The following C9orf153 variants were observed in gnomAD, a reference collection of about 807,000 sequenced individuals.
C9orf153 encodes chromosome 9 open reading frame 153, also known as uncharacterized protein C9orf153.
C9orf153 carries 10 observed loss-of-function variants against 9.0 expected under a neutral mutation model. That is an observed-to-expected ratio of 1.11 (90% CI 0.69 to 1.89). C9orf153 has a LOEUF of 1.89. Ranked by LOEUF, C9orf153 falls within the 40% of genes most tolerant of loss-of-function variation. The pLI, the probability that C9orf153 is intolerant of heterozygous loss-of-function variation, is 0.00. For missense variants in C9orf153, 108 were observed against 111.0 expected (o/e 0.97, Z 0.12); for synonymous variants, 35 against 37.3 (o/e 0.94, Z 0.23).
intron 3 of C9orf153, among the ~76,000 whole-genome samples, chr9:86,222,056 T>C (rs1278248395): frequency 6.6e-6 from 1 of 152,072 alleles, no homozygotes; most frequent in East Asian, 1.9e-4. Flanking sequence ...CGGTTACTTT[T>C]TTTGTATTTT....
chr9:86,241,240 C>G (rs1224998116), intron 1 of C9orf153, among the ~76,000 whole-genome samples: 1 of 152,194 alleles, frequency 6.6e-6, no homozygotes, highest in African/African-American at 2.4e-5. Flanking sequence ...ATTTCCACTT[C>G]AGCCCTGTCA....
intron 1 of C9orf153, among the ~76,000 whole-genome samples, chr9:86,245,178 C>T (rs535651153): frequency 3.9e-5 from 6 of 152,220 alleles, no homozygotes; most frequent in Admixed American, 6.5e-5. Flanking sequence ...CCACCCACCT[C>T]GGCCTCCCAA....
intron 3 of C9orf153, among the ~76,000 whole-genome samples, chr9:86,225,411 CTCCTTCCTTCCTTCCTTCCTTCCT>C (rs72315837): frequency 1.5e-5 from 2 of 132,058 alleles, no homozygotes; most frequent in African/African-American, 5.9e-5. Flanking sequence ...CTCTCTCTCT[CTCCTTCCTTCCTTCCTTCCTTCCT>C]TCCTTCCTTC....
intron 1 of C9orf153, among the ~76,000 whole-genome samples, chr9:86,233,189 G>A (rs994885588): frequency 2.6e-5 from 4 of 151,946 alleles, no homozygotes; most frequent in Non-Finnish European, 5.9e-5. Flanking sequence ...TATGTAAAAT[G>A]TTTTCCACTT....
chr9:86,248,886 C>T (rs1824929027), intron 1 of C9orf153, among the ~76,000 whole-genome samples: 1 of 152,206 alleles, frequency 6.6e-6, no homozygotes, highest in African/African-American at 2.4e-5. Flanking sequence ...GCCTGTAGCA[C>T]AGTTGTTGGA....
At chr9:86,246,988 C>T (rs775967562) in intron 1 of C9orf153, among the ~76,000 whole-genome samples, 5 of 152,246 alleles carry the variant, frequency 3.3e-5, no homozygotes, top group Non-Finnish European at 7.4e-5. Flanking sequence ...GAGGCAGGTC[C>T]CTGTCTGGTT....
chr9:86,255,249 TAA>T (rs1479292999), intron 1 of C9orf153, among the ~76,000 whole-genome samples: 1 of 152,214 alleles, frequency 6.6e-6, no homozygotes, highest in Non-Finnish European at 1.5e-5. Flanking sequence ...GAAAGTTTTT[TAA>T]AGTTTCAAAG....
At chr9:86,237,769 T>A (rs1338510698) in intron 1 of C9orf153, among the ~76,000 whole-genome samples, 1 of 152,116 alleles carries the variant, frequency 6.6e-6, no homozygotes, top group African/African-American at 2.4e-5. Context: ...TGTATGCACC[T>A]AACAACAAAG....
chr9:86,236,713 G>C (rs58473123), intron 1 of C9orf153, among the ~76,000 whole-genome samples: 33,722 of 151,822 alleles, frequency 0.22, 4,658 homozygotes, highest in East Asian at 0.36. Flanking sequence ...ATATAAGGAA[G>C]TGAAAAGTAT....
At chr9:86,241,018 T>C (rs1824731970) in intron 1 of C9orf153, among the ~76,000 whole-genome samples, 1 of 152,120 alleles carries the variant, frequency 6.6e-6, no homozygotes, top group Non-Finnish European at 1.5e-5. Context: ...AATTTGCTTT[T>C]CTTTTGTGCC....
intron 1 of C9orf153, among the ~76,000 whole-genome samples, chr9:86,244,247 A>AT (rs759194421): frequency 1.9e-3 from 288 of 152,128 alleles, no homozygotes; most frequent in Middle Eastern, 0.01. Flanking sequence ...TTTTAAAATA[A>AT]TTTTTTTTGT....
chr9:86,227,590 C>G (rs891162333), intron 3 of C9orf153: 1 of 985,220 alleles, frequency 1.0e-6, no homozygotes, highest in African/African-American at 1.7e-5. Flanking sequence ...CAGAAATGAA[C>G]TTTTCTGGGG....
At chr9:86,258,821 C>T (rs1825183202) in intron 1 of C9orf153, among the ~76,000 whole-genome samples, 1 of 151,922 alleles carries the variant, frequency 6.6e-6, no homozygotes, top group African/African-American at 2.4e-5. Flanking sequence ...CTTCTCTGCA[C>T]CATACACACA....
At chr9:86,238,605 G>A (rs1229688239) in intron 1 of C9orf153, among the ~76,000 whole-genome samples, 1 of 152,162 alleles carries the variant, frequency 6.6e-6, no homozygotes, top group East Asian at 1.9e-4. Flanking sequence ...TGCCCAAACA[G>A]TAGTCCCTAA....
intron 3 of C9orf153, among the ~76,000 whole-genome samples, chr9:86,226,328 T>G (rs921815010): frequency 6.6e-6 from 1 of 152,104 alleles, no homozygotes; most frequent in Non-Finnish European, 1.5e-5. Context: ...ATTACTTTTT[T>G]TTTTCTTCTT....
chr9:86,223,048 A>G (rs1824240924), intron 3 of C9orf153, among the ~76,000 whole-genome samples: 2 of 152,190 alleles, frequency 1.3e-5, no homozygotes, highest in Non-Finnish European at 2.9e-5. Context: ...TAGAACAGAT[A>G]CTGCCATGGT....
rs1488323159 is a variant in C9orf153 at position 86,227,523 on chromosome 9, G to A, written c.242+332C>T. 12 of 1,363,438 alleles carry A rather than the reference G, an allele frequency of 8.8e-6. No individual in the cohort carries two copies. In the East Asian group the frequency reaches 3.2e-4, roughly 36 times the overall value. The allele number at this position is 1,363,438 out of a possible 1,614,324, so 84.5% of individuals were successfully genotyped here. A position where few individuals can be genotyped will look rare whatever the true frequency, so the allele number is the denominator to read the frequency against. On this transcript the variant is annotated intron_variant, in intron 3 of 3. Coordinates refer to ENST00000339137, the MANE Select transcript of C9orf153 (RefSeq NM_001276366.4). ...GATTTCCATTCCTTTTCTCCCACAT[G>A]GCCTCATCTGTTTAAATTACCTGGG...
chr9:86,233,673 T>C (rs1156610067), intron 1 of C9orf153, among the ~76,000 whole-genome samples: 1 of 150,404 alleles, frequency 6.6e-6, no homozygotes, highest in African/African-American at 2.5e-5. Context: ...TGCCCTGGCC[T>C]CCTAAAGTGC....
chr9:86,231,583 A>G (rs1026529455), intron 1 of C9orf153, among the ~76,000 whole-genome samples: 2 of 151,700 alleles, frequency 1.3e-5, no homozygotes, highest in Non-Finnish European at 2.9e-5. Context: ...ACACACACAC[A>G]CATACACAAA....
Sources: gnomAD v4.1 joint callset for allele counts (sites outside exome capture counted in the v4.1 genomes callset) on GRCh38, gnomAD v4.1.1 for gene constraint, MANE v1.5 for transcripts, NCBI Gene and HGNC (gene_info 2026-07-23, HGNC 2026-07-21) for gene names.